Variants in LDLRAD4 observed in about 807,000 individuals in gnomAD.
LDLRAD4 encodes the protein low-density lipoprotein receptor class A domain-containing protein 4.
Under a neutral mutation model 17.0 loss-of-function variants are expected in LDLRAD4, and 5 were observed. That is an observed-to-expected ratio of 0.29 (90% CI 0.15 to 0.62). LDLRAD4 has a LOEUF of 0.62. Among genes scored for constraint, LDLRAD4 ranks in the 20% least tolerant of loss-of-function variants. The pLI is 0.84. For synonymous variants in LDLRAD4, 168 were observed against 171.8 expected (o/e 0.98, Z 0.17); for missense variants, 340 against 424.7 (o/e 0.80, Z 1.75).
At chr18:13,352,705 G>A (rs9952836) in intron 1 of LDLRAD4, among the ~76,000 whole-genome samples, 44,585 of 151,582 alleles carry the variant, frequency 0.29, 6,594 homozygotes, top group South Asian at 0.36. Flanking sequence ...TGGAATTCTC[G>A]TAACATGTAT....
At chr18:13,374,172 T>A (rs2084722514) in intron 1 of LDLRAD4, among the ~76,000 whole-genome samples, 1 of 152,220 alleles carries the variant, frequency 6.6e-6, no homozygotes, top group African/African-American at 2.4e-5. Flanking sequence ...ATAGGTCGTC[T>A]CTTGGGATAG....
chr18:13,448,095 C>T (rs924436669), intron 3 of LDLRAD4, among the ~76,000 whole-genome samples: 15 of 152,142 alleles, frequency 9.9e-5, no homozygotes, highest in African/African-American at 3.6e-4. Flanking sequence ...CGTGAAAGGA[C>T]AGTTGTAGGA....
Position 13,308,714 on chromosome 18 carries a change from C to T in LDLRAD4, c.-383+30526C>T, listed in dbSNP as rs116026012. On this transcript the variant is annotated intron_variant, in intron 1 of 5. Transcript: ENST00000359446. ...TGTGTGTTTGTGGTTGTTGAACTTTCTCTCTTGGATTGCTAGGAGTGCTTT... is the reference window on the plus strand; with the variant it reads ...TGTGTGTTTGTGGTTGTTGAACTTTTTCTCTTGGATTGCTAGGAGTGCTTT... Among the ~76,000 whole-genome samples, 1,424 of 152,376 alleles carry T rather than the reference C, an allele frequency of 9.3e-3. 26 individuals carry two copies. Among genetic ancestry groups the T allele is most frequent in the African/African-American group, 0.033 (1,373 of 41,586 alleles).
chr18:13,322,919 C>T (rs1213802683), intron 1 of LDLRAD4, among the ~76,000 whole-genome samples: 2 of 152,132 alleles, frequency 1.3e-5, no homozygotes, highest in African/African-American at 4.8e-5. Flanking sequence ...GCCACTGCAC[C>T]AGGCCATATT....
intron 1 of LDLRAD4, among the ~76,000 whole-genome samples, chr18:13,323,791 A>C (rs2081372103): frequency 6.6e-6 from 1 of 152,222 alleles, no homozygotes; most frequent in Non-Finnish European, 1.5e-5. Flanking sequence ...TTTGTAATAA[A>C]GAAGGAAATA....
At chr18:13,418,745 T>C (rs2145818079) in intron 2 of LDLRAD4, among the ~76,000 whole-genome samples, 1 of 152,356 alleles carries the variant, frequency 6.6e-6, no homozygotes, top group South Asian at 2.1e-4. Flanking sequence ...AGCATTTATT[T>C]ATTCAGTCTA....
chr18:13,438,371 G>T (rs747005823), exon 3 of LDLRAD4: 2 of 1,613,940 alleles, frequency 1.2e-6, no homozygotes, highest in Admixed American at 1.7e-5. Flanking sequence ...ACCCGCCTCC[G>T]GGCATCTTCA....
intron 1 of LDLRAD4, among the ~76,000 whole-genome samples, chr18:13,309,380 T>G (rs749419167): frequency 5.3e-5 from 8 of 152,184 alleles, no homozygotes; most frequent in Non-Finnish European, 4.4e-5. Flanking sequence ...AAATCCCAAA[T>G]AGGTTGTTTT....
chr18:13,357,120 C>T (rs1219082105), intron 1 of LDLRAD4, among the ~76,000 whole-genome samples: 6 of 152,028 alleles, frequency 3.9e-5, no homozygotes, highest in African/African-American at 1.2e-4. Context: ...GTTGACAGAG[C>T]GAGACTGCAT....
chr18:13,529,765 C>T (rs758595121), intron 3 of LDLRAD4, among the ~76,000 whole-genome samples: 1 of 152,322 alleles, frequency 6.6e-6, no homozygotes, highest in South Asian at 2.1e-4. Flanking sequence ...CAGAAGACAG[C>T]GTTCTGATGT....
intron 1 of LDLRAD4, among the ~76,000 whole-genome samples, chr18:13,342,550 C>A (rs947818832): frequency 8.5e-5 from 5 of 58,994 alleles, no homozygotes; most frequent in African/African-American, 3.1e-4. Context: ...TTTATTATTT[C>A]TGACACTATT....
chr18:13,405,892 C>T (rs572542275), intron 2 of LDLRAD4, among the ~76,000 whole-genome samples: 5 of 152,204 alleles, frequency 3.3e-5, no homozygotes, highest in East Asian at 1.9e-4. Flanking sequence ...CCGCTCCTGT[C>T]GCAGCTCACT....
At chr18:13,550,964 C>G (rs1398762315) in intron 3 of LDLRAD4, among the ~76,000 whole-genome samples, 1 of 152,150 alleles carries the variant, frequency 6.6e-6, no homozygotes, top group East Asian at 1.9e-4. Flanking sequence ...CAGTCATGCC[C>G]CCTCTGTGCT....
intron 1 of LDLRAD4, among the ~76,000 whole-genome samples, chr18:13,233,384 A>T (rs952084514): frequency 6.6e-6 from 1 of 152,164 alleles, no homozygotes; most frequent in African/African-American, 2.4e-5. Flanking sequence ...CACTGCTCAG[A>T]GCCCAGTAAG....
intron 1 of LDLRAD4, among the ~76,000 whole-genome samples, chr18:13,256,702 A>C (rs910234677): frequency 6.6e-6 from 1 of 152,154 alleles, no homozygotes; most frequent in Admixed American, 6.5e-5. Flanking sequence ...TTCCATAGAG[A>C]GCCCTTTGAA....
upstream of LDLRAD4, among the ~76,000 whole-genome samples, chr18:13,274,223 G>A (rs1185316785): frequency 6.6e-6 from 1 of 152,148 alleles, no homozygotes; most frequent in Non-Finnish European, 1.5e-5. Flanking sequence ...TGTTTGGTGA[G>A]GTTATGGAAA....
intron 1 of LDLRAD4, among the ~76,000 whole-genome samples, chr18:13,371,923 TC>T (rs1292055443): frequency 3.3e-5 from 5 of 152,330 alleles, no homozygotes; most frequent in African/African-American, 9.6e-5. Context: ...AGTTTCTGTA[TC>T]ACATTTAGAA....
chr18:13,555,882 C>A (rs1044809065), intron 3 of LDLRAD4, among the ~76,000 whole-genome samples: 7 of 3,334 alleles, frequency 2.1e-3, no homozygotes, highest in Non-Finnish European at 0.019. Flanking sequence ...GGCGGGAAAG[C>A]AGTTTGTGTG....
intron 1 of LDLRAD4, among the ~76,000 whole-genome samples, chr18:13,257,149 C>G (rs530666042): frequency 6.6e-6 from 1 of 152,206 alleles, no homozygotes; most frequent in South Asian, 2.1e-4. Context: ...GCGGGACAGA[C>G]GTGCACAGCC....
Sources: gnomAD v4.1 joint callset for allele counts (sites outside exome capture counted in the v4.1 genomes callset) on GRCh38, gnomAD v4.1.1 for gene constraint, MANE v1.5 for transcripts, NCBI Gene and HGNC (gene_info 2026-07-23, HGNC 2026-07-21) for gene names.